C4orf50: variants seen among roughly 807,000 people sequenced by gnomAD.
C4orf50 encodes uncharacterized protein C4orf50.
C4orf50 carries 80 observed loss-of-function variants against 77.2 expected under a neutral mutation model. The observed-to-expected ratio is 1.04, with a 90% CI of 0.87 to 1.25. The LOEUF (loss-of-function observed/expected upper bound fraction) is 1.25. Ranked by LOEUF, C4orf50 falls within the 50% of genes most tolerant of loss-of-function variation. The pLI is 0.00. For synonymous variants in C4orf50, 532 were observed against 465.3 expected, an observed-to-expected ratio of 1.14 and a Z score of -1.84; for missense variants, 1,257 against 1,152.9, an observed-to-expected ratio of 1.09 and a Z score of -1.31.
intron 7 of C4orf50, among the ~76,000 whole-genome samples, chr4:5,950,128 C>T (rs574687570): frequency 8.5e-5 from 13 of 152,166 alleles, no homozygotes; most frequent in South Asian, 6.2e-4. Flanking sequence ...CCAACCTATA[C>T]GTTCTGTATA....
At chr4:5,911,446 A>G (rs769748414) in intron 7 of C4orf50, among the ~76,000 whole-genome samples, 68 of 152,280 alleles carry the variant, frequency 4.5e-4, no homozygotes, top group Admixed American at 2.2e-3. Context: ...CAGGGAGGGA[A>G]TGCTTCACAT....
At chr4:5,975,367 C>A (rs1560575832) in intron 30 of C4orf50, among the ~76,000 whole-genome samples, 1 of 152,006 alleles carries the variant, frequency 6.6e-6, no homozygotes, top group Non-Finnish European at 1.5e-5. Flanking sequence ...GTGGGAACAG[C>A]AGGAGGCAAA....
chr4:5,969,758 A>G lies in C4orf50; in HGVS notation c.4105-2296T>C, dbSNP rs546609344. 3.0e-4 allele frequency among the ~76,000 whole-genome samples: 45 copies of G among 152,292 alleles called. 1 individual carries two copies. The South Asian group carries it at 9.3e-3, about 32-fold the overall frequency. ...AGATAACAGGTGGCTTAGGTACGTGAAGGGCAAGTGCCAAGTTCATGACAT... is the reference window on the plus strand; with the variant it reads ...AGATAACAGGTGGCTTAGGTACGTGGAGGGCAAGTGCCAAGTTCATGACAT... On this transcript the variant is annotated intron_variant, in intron 31 of 33. Coordinates refer to ENST00000531445, the Ensembl canonical transcript of C4orf50.
rs1560575591 is a variant in C4orf50, at chr4:5,975,157, A to AC, written c.3921+741_3921+742insG. On this transcript the variant is annotated intron_variant, in intron 30 of 33. Coordinates refer to ENST00000531445, the Ensembl canonical transcript of C4orf50. ...TCCATCTCAAAAAAAAAAAAAAAAAAAAAAAAAAAAAAAAAAAAAAACTAC... is the reference window on the plus strand; with the variant it reads ...TCCATCTCAAAAAAAAAAAAAAAAAACAAAAAAAAAAAAAAAAAAAAACTAC... Among the ~76,000 whole-genome samples the AC allele has an allele frequency of 1.1e-4, 12 of 113,126 alleles. 1 individual carries two copies. Among genetic ancestry groups the AC allele is most frequent in the African/African-American group, 4.4e-4 (12 of 27,134 alleles). The allele number at this position is 113,126 out of a possible 152,430, so 74.2% of individuals were successfully genotyped here.
At chr4:5,964,001 A>G (rs1307869189) in intron 33 of C4orf50, among the ~76,000 whole-genome samples, 2 of 146,656 alleles carry the variant, frequency 1.4e-5, no homozygotes, top group Admixed American at 6.9e-5. Flanking sequence ...CCAAACCTGC[A>G]GTATGTGCAA....
intron 28 of C4orf50, among the ~76,000 whole-genome samples, chr4:5,983,722 C>A (rs1720721338): frequency 1.3e-5 from 2 of 152,180 alleles, no homozygotes; most frequent in Admixed American, 6.5e-5. Context: ...AAACAATGGT[C>A]TCGAAAATAG....
intron 7 of C4orf50, among the ~76,000 whole-genome samples, chr4:5,926,572 C>G (rs1717524456): frequency 6.6e-6 from 1 of 152,054 alleles, no homozygotes; most frequent in Non-Finnish European, 1.5e-5. Context: ...AAATTGTGCA[C>G]TTTAACGTGG....
chr4:5,898,925 T>C (rs750216731), intron 7 of C4orf50: 1 of 152,196 alleles, frequency 6.6e-6, no homozygotes, highest in Non-Finnish European at 1.5e-5. Flanking sequence ...ACATTTACAC[T>C]AAAAATGCAG....
exon 28 of C4orf50, chr4:5,989,380 C>G: frequency 6.5e-7 from 1 of 1,536,080 alleles, no homozygotes; most frequent in Non-Finnish European, 8.7e-7. Flanking sequence ...AGGAACTTCG[C>G]TGGTGCCCAG....
At chr4:5,914,493 C>T (rs1013387261) in intron 7 of C4orf50, among the ~76,000 whole-genome samples, 3 of 152,158 alleles carry the variant, frequency 2.0e-5, no homozygotes, top group East Asian at 1.9e-4. Context: ...TGTGAGCCAC[C>T]GCGCCTGGCC....
intron 28 of C4orf50, among the ~76,000 whole-genome samples, chr4:5,981,028 C>A (rs1173711490): frequency 2.6e-5 from 4 of 151,988 alleles, no homozygotes; most frequent in Non-Finnish European, 5.9e-5. Flanking sequence ...GTGCTACTGC[C>A]CCCAAATGGT....
chr4:6,007,947 G>T lies in C4orf50; in HGVS notation c.963+49C>A. 1 of 399,228 alleles carries T rather than the reference G, an allele frequency of 2.5e-6. No homozygotes were observed. The allele number at this position is 399,228 out of a possible 1,614,324, so 24.7% of individuals were successfully genotyped here. A position where few individuals can be genotyped will look rare whatever the true frequency, so the allele number is the denominator to read the frequency against. On this transcript the variant is annotated intron_variant, in intron 25 of 33. Coordinates refer to ENST00000531445, the Ensembl canonical transcript of C4orf50. This position sits in a 1 kb window ranked among gnomAD's most constrained non-coding sequence, Gnocchi z 4.1. Reference sequence around the variant, plus strand: ...ATGACTTCACCAAGTGGCTGGAGGAGAAGGAGAAAGGCAAAAGATCATTCC... The same window carrying T: ...ATGACTTCACCAAGTGGCTGGAGGATAAGGAGAAAGGCAAAAGATCATTCC...
At chr4:5,934,649 T>C (rs1408885806) in intron 7 of C4orf50, among the ~76,000 whole-genome samples, 2 of 152,246 alleles carry the variant, frequency 1.3e-5, no homozygotes, top group Admixed American at 1.3e-4. Flanking sequence ...ACACTTGCCA[T>C]AGCCAGGCTG....
At chr4:6,014,098 G>A (rs1399990668) in intron 23 of C4orf50, among the ~76,000 whole-genome samples, 1 of 152,094 alleles carries the variant, frequency 6.6e-6, no homozygotes, top group South Asian at 2.1e-4. Flanking sequence ...TGCTTCTGGG[G>A]TTCAAGCGAT....
Position 5,969,995 on chromosome 4 carries a change from C to T in C4orf50, c.4105-2533G>A, listed in dbSNP as rs115854106. Among the ~76,000 whole-genome samples the T allele has an allele frequency of 7.7e-3, 1,176 of 152,216 alleles. 9 individuals are homozygous for T. The highest frequency in any genetic ancestry group is 0.026 in the African/African-American group (1,078 of 41,520). On this transcript the variant is annotated intron_variant, in intron 31 of 33. Transcript: ENST00000531445. ...CCAGTGCTGTGTCCCAGGTGAGCCCCGGCAACCCTCTTCTCCTCTCCTTTG... is the reference window on the plus strand; with the variant it reads ...CCAGTGCTGTGTCCCAGGTGAGCCCTGGCAACCCTCTTCTCCTCTCCTTTG...
At chr4:5,929,367 T>A (rs957348500) in intron 7 of C4orf50, among the ~76,000 whole-genome samples, 1 of 152,248 alleles carries the variant, frequency 6.6e-6, no homozygotes, top group Non-Finnish European at 1.5e-5. Context: ...TAAATATTCC[T>A]TTATCCCAAA....
At chr4:5,956,409 A>T (rs967049657), downstream of C4orf50, among the ~76,000 whole-genome samples, 1 of 152,268 alleles carries the variant, frequency 6.6e-6, no homozygotes, top group Non-Finnish European at 1.5e-5. Context: ...GTCCCTGTTC[A>T]TGTCAGTCAG....
intron 7 of C4orf50, among the ~76,000 whole-genome samples, chr4:5,944,838 C>T (rs1361844028): frequency 2.6e-5 from 4 of 152,068 alleles, no homozygotes; most frequent in Admixed American, 2.6e-4. Context: ...GAAGACTTCC[C>T]CGGGAAAGGG....
intron 7 of C4orf50, among the ~76,000 whole-genome samples, chr4:5,914,423 C>T (rs539498798): frequency 2.6e-5 from 4 of 151,900 alleles, no homozygotes; most frequent in Non-Finnish European, 5.9e-5. Flanking sequence ...CCAGGATGGT[C>T]TCGATCTCCT....
Sources: allele counts gnomAD v4.1 joint callset (sites outside exome capture counted in the v4.1 genomes callset), GRCh38; gene constraint gnomAD v4.1.1; non-coding constraint Gnocchi (gnomAD v3.1); transcripts MANE v1.5; gene names NCBI Gene and HGNC (gene_info 2026-07-23, HGNC 2026-07-21).